The following IGF2BP2 variants were observed in gnomAD, a reference collection of about 807,000 sequenced individuals.
IGF2BP2 encodes insulin-like growth factor 2 mRNA-binding protein 2.
IGF2BP2 carries 17 observed loss-of-function variants against 75.8 expected under a neutral mutation model. The ratio of observed to expected loss-of-function variants is 0.22; its 90% CI spans 0.15 to 0.34. The LOEUF is 0.34. IGF2BP2 is among the 10% of genes least tolerant of loss of function. The probability of loss-of-function intolerance (pLI) is 1.00; values close to 1 mark genes in which losing one functional copy is unlikely to be tolerated. For synonymous variants in IGF2BP2, 288 were observed against 295.6 expected, an observed-to-expected ratio of 0.97 and a Z score of 0.26; for missense variants, 516 against 772.4, an observed-to-expected ratio of 0.67 and a Z score of 3.93.
intron 2 of IGF2BP2, among the ~76,000 whole-genome samples, chr3:185,743,149 T>C (rs1297706930): frequency 6.8e-6 from 1 of 147,714 alleles, no homozygotes; most frequent in Non-Finnish European, 1.5e-5. Flanking sequence ...AGGCAAACAA[T>C]AAAATTCATA....
chr3:185,675,106 G>T (rs1577919560), intron 9 of IGF2BP2, 190 bp downstream of exon 9: 24 of 285,718 alleles, frequency 8.4e-5, no homozygotes, highest in Non-Finnish European at 1.3e-4. Flanking sequence ...TAATTTTAAT[G>T]TCTTCACGTG....
At chr3:185,698,398 C>G in intron 2 of IGF2BP2, 51 bp from the exon 3 acceptor site, 1 of 1,534,122 alleles carries the variant, frequency 6.5e-7, no homozygotes, top group African/African-American at 1.4e-5. Context: ...ACACAAACTA[C>G]AGCAAATAAT....
intron 2 of IGF2BP2, among the ~76,000 whole-genome samples, chr3:185,783,224 T>A (rs1450171484): frequency 6.6e-6 from 1 of 152,154 alleles, no homozygotes; most frequent in Non-Finnish European, 1.5e-5. Flanking sequence ...AATGTGCCCC[T>A]CACCTATACA....
chr3:185,649,565 C>T (rs760862269), intron 13 of IGF2BP2, 31 bp from the exon 14 acceptor site: 8 of 1,612,536 alleles, frequency 5.0e-6, no homozygotes, highest in Admixed American at 1.7e-5. Context: ...TAATGACTCT[C>T]AGTCAGCCAG....
chr3:185,823,577 G>A (rs1741641995), intron 1 of IGF2BP2, among the ~76,000 whole-genome samples: 1 of 151,960 alleles, frequency 6.6e-6, no homozygotes, highest in Non-Finnish European at 1.5e-5. Flanking sequence ...TCTCCATTCC[G>A]CTAATCCGGG....
At chr3:185,677,001 T>G (rs536966237) in intron 7 of IGF2BP2, among the ~76,000 whole-genome samples, 1 of 130,254 alleles carries the variant, frequency 7.7e-6, no homozygotes, top group African/African-American at 2.9e-5. Flanking sequence ...TATATATATA[T>G]GGAGAGATTA....
chr3:185,747,386 T>C (rs1390252773), intron 2 of IGF2BP2, among the ~76,000 whole-genome samples: 1 of 152,108 alleles, frequency 6.6e-6, no homozygotes, highest in Non-Finnish European at 1.5e-5. Flanking sequence ...TTACGGGTTT[T>C]AAAAAATATA....
chr3:185,665,533 AAGGAGG>A (rs1171396059), intron 10 of IGF2BP2, among the ~76,000 whole-genome samples: 2 of 103,892 alleles, frequency 1.9e-5, no homozygotes, highest in African/African-American at 7.3e-5. Context: ...GGAGGAGGAG[AAGGAGG>A]AGGAGGAGAA....
At chr3:185,764,026 G>C (rs1732731908) in intron 2 of IGF2BP2, among the ~76,000 whole-genome samples, 1 of 152,122 alleles carries the variant, frequency 6.6e-6, no homozygotes, top group South Asian at 2.1e-4. Context: ...TAGCAGTATT[G>C]CCAAAACCTT....
At chr3:185,787,167 G>C (rs1053487854) in intron 2 of IGF2BP2, among the ~76,000 whole-genome samples, 2 of 152,184 alleles carry the variant, frequency 1.3e-5, no homozygotes, top group Non-Finnish European at 2.9e-5. Flanking sequence ...AATGGGTATA[G>C]AGTTTCTGTT....
rs138307273 is a variant in IGF2BP2 at position 185,772,290 on chromosome 3, A to G, written c.239+50863T>C. ...GAGCCTTCCTTAAAGAGTTTTCCCTACTGTAAGTTTTATTCAGTGGGCTGT... is the reference window on the plus strand; with the variant it reads ...GAGCCTTCCTTAAAGAGTTTTCCCTGCTGTAAGTTTTATTCAGTGGGCTGT... On this transcript the variant is annotated intron_variant, in intron 2 of 15. Transcript: ENST00000382199. 6.5e-3 allele frequency among the ~76,000 whole-genome samples: 996 copies of G among 152,246 alleles called. 5 individuals carry two copies. The highest frequency in any genetic ancestry group is 0.023 in the African/African-American group (938 of 41,546).
intron 2 of IGF2BP2, among the ~76,000 whole-genome samples, chr3:185,711,283 T>C (rs1724757395): frequency 6.6e-6 from 1 of 152,228 alleles, no homozygotes; most frequent in Admixed American, 6.5e-5. Context: ...CTGACCTGTA[T>C]CTTTCCTGAA....
intron 2 of IGF2BP2, among the ~76,000 whole-genome samples, chr3:185,748,608 G>A (rs1024707122): frequency 6.6e-6 from 1 of 152,064 alleles, no homozygotes; most frequent in Non-Finnish European, 1.5e-5. Context: ...TGAATTCTTC[G>A]ACTCTTGATT....
intron 2 of IGF2BP2, among the ~76,000 whole-genome samples, chr3:185,796,301 G>A (rs1488644961): frequency 1.3e-5 from 2 of 152,058 alleles, no homozygotes; most frequent in Non-Finnish European, 1.5e-5. Flanking sequence ...GGTGGCTCAC[G>A]CCTGTAATCC....
chr3:185,780,674 G>A (rs538484587), intron 2 of IGF2BP2, among the ~76,000 whole-genome samples: 65 of 152,198 alleles, frequency 4.3e-4, no homozygotes, highest in Admixed American at 3.3e-3. Context: ...TGTTATATAC[G>A]TGATTCCTTC....
intron 2 of IGF2BP2, among the ~76,000 whole-genome samples, chr3:185,784,888 A>C (rs564047019): frequency 5.4e-4 from 82 of 152,374 alleles, no homozygotes; most frequent in Non-Finnish European, 9.0e-4. Flanking sequence ...CTGTGAGGCA[A>C]GTCAGGATGA....
At chr3:185,730,563 T>C (rs969310071) in intron 2 of IGF2BP2, among the ~76,000 whole-genome samples, 2 of 150,966 alleles carry the variant, frequency 1.3e-5, no homozygotes, top group African/African-American at 2.4e-5. Context: ...GCCTCCTGAG[T>C]AGCTGGGATT....
chr3:185,733,909 A>C (rs1336938260), intron 2 of IGF2BP2, among the ~76,000 whole-genome samples: 1 of 152,236 alleles, frequency 6.6e-6, no homozygotes, highest in African/African-American at 2.4e-5. Flanking sequence ...AGAAAAATTA[A>C]AAACTGGGTA....
intron 1 of IGF2BP2, 84 bp downstream of exon 1, chr3:185,824,699 G>T: frequency 9.2e-7 from 1 of 1,091,846 alleles, no homozygotes; most frequent in Non-Finnish European, 1.2e-6. Flanking sequence ...GCCGGGCGCC[G>T]CCCGCCGGAC....
Sources: gnomAD v4.1 joint callset for allele counts (sites outside exome capture counted in the v4.1 genomes callset) on GRCh38, gnomAD v4.1.1 for gene constraint, MANE v1.5 for transcripts, NCBI Gene and HGNC (gene_info 2026-07-23, HGNC 2026-07-21) for gene names.